The following PDE1C variants were observed in gnomAD, a reference collection of about 807,000 sequenced individuals.
PDE1C encodes phosphodiesterase 1C, also known as dual specificity calcium/calmodulin-dependent 3',5'-cyclic nucleotide phosphodiesterase 1C.
Under a neutral mutation model 93.1 loss-of-function variants are expected in PDE1C, and 62 were observed. The ratio of observed to expected loss-of-function variants is 0.67; its 90% CI spans 0.54 to 0.82. The LOEUF is 0.82. PDE1C is among the 40% of genes least tolerant of loss of function. PDE1C has a pLI of 0.00. For missense variants in PDE1C, 742 were observed against 884.6 expected (o/e 0.84, Z 2.04); for synonymous variants, 325 against 310.1 (o/e 1.05, Z -0.50).
intron 15 of PDE1C, among the ~76,000 whole-genome samples, chr7:31,814,384 G>A (rs948535356): frequency 6.6e-6 from 1 of 151,994 alleles, no homozygotes; most frequent in Non-Finnish European, 1.5e-5. Flanking sequence ...GAAGGGGGCA[G>A]GACGAGTCGG....
At chr7:32,198,020 A>G (rs1301466139) in intron 2 of PDE1C, among the ~76,000 whole-genome samples, 1 of 152,208 alleles carries the variant, frequency 6.6e-6, no homozygotes, top group African/African-American at 2.4e-5. Context: ...TCATCTTAAT[A>G]TTCATTTTAA....
At chr7:32,002,862 A>C (rs536118518) in intron 2 of PDE1C, among the ~76,000 whole-genome samples, 3 of 152,232 alleles carry the variant, frequency 2.0e-5, no homozygotes, top group African/African-American at 7.2e-5. Context: ...TCAACATGGA[A>C]TGAAAAAGTT....
At chr7:32,256,332 T>C (rs1809792364) in intron 1 of PDE1C, among the ~76,000 whole-genome samples, 1 of 152,088 alleles carries the variant, frequency 6.6e-6, no homozygotes, top group South Asian at 2.1e-4. Context: ...AACCAGGGGC[T>C]CCCACTGCAG....
intron 1 of PDE1C, among the ~76,000 whole-genome samples, chr7:32,383,279 T>C (rs1471319980): frequency 1.3e-5 from 2 of 152,314 alleles, no homozygotes; most frequent in Middle Eastern, 3.4e-3. Flanking sequence ...CAAGCATTAA[T>C]TGAACACCTG....
chr7:31,750,607 G>A (rs1794100969), downstream of PDE1C, among the ~76,000 whole-genome samples: 1 of 152,230 alleles, frequency 6.6e-6, no homozygotes, highest in Non-Finnish European at 1.5e-5. Flanking sequence ...TACAGCTAAA[G>A]AAACTAAAGT....
At chr7:32,089,509 A>C (rs903257212) in intron 3 of PDE1C, among the ~76,000 whole-genome samples, 1 of 152,168 alleles carries the variant, frequency 6.6e-6, no homozygotes, top group African/African-American at 2.4e-5. Context: ...AGCTTTAAAG[A>C]TTTGAGAATG....
intron 2 of PDE1C, among the ~76,000 whole-genome samples, chr7:32,001,653 C>T (rs1045981549): frequency 5.9e-5 from 9 of 152,046 alleles, no homozygotes; most frequent in African/African-American, 2.2e-4. Context: ...ATCCTTATCT[C>T]CATTTTGCAG....
At chr7:32,174,896 A>T (rs1309454448) in intron 2 of PDE1C, among the ~76,000 whole-genome samples, 1 of 152,140 alleles carries the variant, frequency 6.6e-6, no homozygotes, top group East Asian at 1.9e-4. Flanking sequence ...ACCCATAAAT[A>T]TGTAACTAAT....
chr7:32,360,011 C>T (rs1784105690), intron 1 of PDE1C, among the ~76,000 whole-genome samples: 1 of 152,132 alleles, frequency 6.6e-6, no homozygotes, highest in Non-Finnish European at 1.5e-5. Flanking sequence ...GTATGGCCAC[C>T]ATACTTGATT....
intron 1 of PDE1C, among the ~76,000 whole-genome samples, chr7:32,415,977 C>T (rs1785268219): frequency 6.6e-6 from 1 of 152,186 alleles, no homozygotes; most frequent in Non-Finnish European, 1.5e-5. Context: ...TGACCAGGAG[C>T]ACAGCACAGA....
chr7:31,658,989 G>A, the PDE1C span, among the ~76,000 whole-genome samples: 1 of 152,142 alleles, frequency 6.6e-6, no homozygotes, highest in African/African-American at 2.4e-5. Flanking sequence ...TCATTCCCAT[G>A]ATCATCTAGT....
In PDE1C at chr7:32,083,226, C is replaced by T. The variant is rs540938064; in HGVS notation, c.308+86559G>A. ...AATGCAGAAGCCTCAGGAGCCAATG[C>T]GATCAACTGGAAGAAAGGGTATCAG... On this transcript the variant is annotated intron_variant, in intron 3 of 18. Transcript: ENST00000396193. Among the ~76,000 whole-genome samples the T allele has an allele frequency of 1.4e-4, 21 of 151,778 alleles. No individual in the cohort carries two copies. In the East Asian group the frequency reaches 1.6e-3, roughly 11 times the overall value.
chr7:32,169,869 T>G, exon 3 of PDE1C: 2 of 1,612,598 alleles, frequency 1.2e-6, no homozygotes, highest in East Asian at 4.5e-5. Flanking sequence ...TCGAGGGTCA[T>G]GGACAATTGT....
the PDE1C span, among the ~76,000 whole-genome samples, chr7:31,620,967 C>A: frequency 6.6e-6 from 1 of 151,854 alleles, no homozygotes; most frequent in Admixed American, 6.6e-5. Flanking sequence ...AATGCAGAAG[C>A]CTCAGGAGCC....
chr7:31,846,401 T>C (rs543942085), intron 9 of PDE1C, among the ~76,000 whole-genome samples: 9 of 151,972 alleles, frequency 5.9e-5, no homozygotes, highest in Admixed American at 4.6e-4. Context: ...ATATAATAAA[T>C]GGTGTTGGGA....
chr7:31,795,027 G>A (rs140379428), intron 16 of PDE1C, among the ~76,000 whole-genome samples: 13 of 151,954 alleles, frequency 8.6e-5, no homozygotes, highest in East Asian at 3.9e-4. Flanking sequence ...ATATTGCAGC[G>A]GACTAATACT....
intron 7 of PDE1C, among the ~76,000 whole-genome samples, chr7:31,862,681 C>T (rs190034761): frequency 1.3e-3 from 196 of 152,280 alleles, no homozygotes; most frequent in African/African-American, 4.6e-3. Flanking sequence ...CCCCTAGGCC[C>T]CACTACCTAA....
intron 16 of PDE1C, among the ~76,000 whole-genome samples, chr7:31,806,662 G>T (rs1462644313): frequency 1.3e-5 from 2 of 151,898 alleles, no homozygotes; most frequent in African/African-American, 4.8e-5. Context: ...GCTCATGGGA[G>T]TTTGGGAATA....
At chr7:32,147,308 G>GAAAGAAAGAAAGAAA (rs1563352884) in intron 3 of PDE1C, among the ~76,000 whole-genome samples, 56 of 146,268 alleles carry the variant, frequency 3.8e-4, no homozygotes, top group Middle Eastern at 3.5e-3. Flanking sequence ...AAGAAAGAAA[G>GAAAGAAAGAAAGAAA]AAAGAAAGAA....
Sources: allele counts gnomAD v4.1 joint callset (sites outside exome capture counted in the v4.1 genomes callset), GRCh38; gene constraint gnomAD v4.1.1; transcripts MANE v1.5; gene names NCBI Gene and HGNC (gene_info 2026-07-23, HGNC 2026-07-21).